Variants in TMCO4 observed in about 807,000 individuals in gnomAD.
TMCO4 encodes transmembrane and coiled-coil domains 4.
A neutral mutation model predicts 64.7 loss-of-function variants in TMCO4; 58 were observed. That is an observed-to-expected ratio of 0.90 (90% CI 0.73 to 1.12). The LOEUF (loss-of-function observed/expected upper bound fraction) is 1.12. Ranked by LOEUF, TMCO4 falls within the 50% of genes most tolerant of loss-of-function variation. The pLI, the probability that TMCO4 is intolerant of heterozygous loss-of-function variation, is 0.00. For missense variants in TMCO4, 780 were observed against 825.9 expected, an observed-to-expected ratio of 0.94 and a Z score of 0.68; for synonymous variants, 325 against 346.1, an observed-to-expected ratio of 0.94 and a Z score of 0.68.
At chr1:19,756,028 C>T (rs1250726294) in intron 6 of TMCO4, among the ~76,000 whole-genome samples, 1 of 152,138 alleles carries the variant, frequency 6.6e-6, no homozygotes, top group Non-Finnish European at 1.5e-5. Context: ...AGGCAGATCG[C>T]TTGAGTCCAG....
At chr1:19,714,987 A>C (rs954656491) in intron 13 of TMCO4, among the ~76,000 whole-genome samples, 1 of 152,144 alleles carries the variant, frequency 6.6e-6, no homozygotes, top group Admixed American at 6.6e-5. Context: ...TCATGCATGT[A>C]ACCCCAGCAC....
At chr1:19,791,100 C>G (rs545181393) in intron 2 of TMCO4, among the ~76,000 whole-genome samples, 1 of 152,198 alleles carries the variant, frequency 6.6e-6, no homozygotes, top group Non-Finnish European at 1.5e-5. Context: ...TAAGTGGGAG[C>G]TGAACAATGA....
At chr1:19,716,392 T>TG (rs548212735) in intron 13 of TMCO4, among the ~76,000 whole-genome samples, 1 of 148,470 alleles carries the variant, frequency 6.7e-6, no homozygotes, top group Admixed American at 6.7e-5. Context: ...TTTTTTTTTT[T>TG]TTTTTGTTTT....
chr1:19,727,840 G>C (rs1045848973), intron 13 of TMCO4, among the ~76,000 whole-genome samples: 1 of 152,322 alleles, frequency 6.6e-6, no homozygotes, highest in South Asian at 2.1e-4. Context: ...TAAAGAAAAT[G>C]TGGTACATAT....
chr1:19,796,452 G>C (rs946888464), intron 2 of TMCO4, among the ~76,000 whole-genome samples: 9 of 152,152 alleles, frequency 5.9e-5, no homozygotes, highest in Non-Finnish European at 1.0e-4. Flanking sequence ...GGAGGGTCAG[G>C]GTGAGAGTGG....
chr1:19,709,913 C>T (rs151129510), intron 13 of TMCO4, among the ~76,000 whole-genome samples: 109 of 151,348 alleles, frequency 7.2e-4, no homozygotes, highest in African/African-American at 2.6e-3. Context: ...CTCAGCCTCC[C>T]GAGTAGCTGG....
intron 6 of TMCO4, among the ~76,000 whole-genome samples, chr1:19,757,278 A>G (rs2042305228): frequency 1.3e-5 from 2 of 152,122 alleles, no homozygotes; most frequent in African/African-American, 4.8e-5. Flanking sequence ...CTAAAATCAC[A>G]GTGTTAGCAA....
chr1:19,750,124 T>C (rs191573387), intron 7 of TMCO4: 60 of 152,340 alleles, frequency 3.9e-4, no homozygotes, highest in African/African-American at 1.4e-3. Flanking sequence ...CTTTTCATTA[T>C]TATTGTAATA....
chr1:19,784,097 G>A (rs1446922750), intron 3 of TMCO4, among the ~76,000 whole-genome samples: 1 of 152,198 alleles, frequency 6.6e-6, no homozygotes, highest in Non-Finnish European at 1.5e-5. Flanking sequence ...ACTCAGAGGA[G>A]CCCAAGGTAG....
chr1:19,741,407 G>C (rs2095478458), intron 10 of TMCO4, among the ~76,000 whole-genome samples: 1 of 152,220 alleles, frequency 6.6e-6, no homozygotes, highest in South Asian at 2.1e-4. Flanking sequence ...GCTGCATCTT[G>C]ATTTAACAAA....
At chr1:19,771,565 ATG>A in intron 4 of TMCO4, 83 bp from the exon 5 acceptor site, 2 of 1,408,244 alleles carry the variant, frequency 1.4e-6, no homozygotes, top group Non-Finnish European at 1.9e-6. Flanking sequence ...GTGGTCACGG[ATG>A]TGAACAGCTG....
rs144713907 is a variant in TMCO4, at chr1:19,683,260, G to A, written c.1685C>T (p.Thr562Ile). 1.4e-5 allele frequency: 22 copies of A among 1,614,200 alleles called. No homozygotes were observed. The East Asian group carries it at 4.9e-4, about 36-fold the overall frequency. ...SGETPHQVGQ[T>I]QGPISGDTSK... ...GGTGTCTCCGGATATGGGACCCTGG[G>A]TTTGCCCAACCTGGTGGGGGGTCTC... The change falls in exon 16 of 16, where the codon ACC becomes ATC. Residue 562 changes from threonine (T) to isoleucine (I), a missense_variant. Thr to Ile is a moderately conservative substitution (Grantham distance 89). Transcript: ENST00000294543.
At chr1:19,697,065 G>A (rs1228319532) in intron 14 of TMCO4, among the ~76,000 whole-genome samples, 1 of 152,224 alleles carries the variant, frequency 6.6e-6, no homozygotes, top group Non-Finnish European at 1.5e-5. Context: ...ACTGAGGGGG[G>A]ACATGTATAC....
intron 15 of TMCO4, among the ~76,000 whole-genome samples, chr1:19,686,497 T>C (rs1435923260): frequency 1.3e-5 from 2 of 152,314 alleles, no homozygotes; most frequent in East Asian, 3.9e-4. Context: ...GAAAAGACAA[T>C]TCCCTGTACA....
chr1:19,759,101 C>CAAA (rs1163885215), intron 6 of TMCO4, among the ~76,000 whole-genome samples: 319 of 21,192 alleles, frequency 0.015, 9 homozygotes, highest in Non-Finnish European at 0.031. Context: ...GACTCGGTCT[C>CAAA]AAAAAAAAAA....
chr1:19,792,465 A>G (rs541980232), intron 2 of TMCO4, among the ~76,000 whole-genome samples: 63 of 152,224 alleles, frequency 4.1e-4, no homozygotes, highest in Non-Finnish European at 7.9e-4. Flanking sequence ...CATTCCATAA[A>G]TATCTGACCT....
At chr1:19,694,373 G>A in intron 15 of TMCO4, 61 bp downstream of exon 15, 7 of 1,459,924 alleles carry the variant, frequency 4.8e-6, no homozygotes, top group Non-Finnish European at 6.7e-6. Context: ...GGGGACAGGG[G>A]TGGCTGGGCT....
chr1:19,751,314 T>C (rs888818975), intron 7 of TMCO4, among the ~76,000 whole-genome samples: 17 of 152,146 alleles, frequency 1.1e-4, no homozygotes, highest in African/African-American at 3.1e-4. Context: ...TAAAAATATA[T>C]AGGCTGGGCA....
chr1:19,782,990 A>C (rs2043562275), intron 3 of TMCO4, among the ~76,000 whole-genome samples: 1 of 152,220 alleles, frequency 6.6e-6, no homozygotes, highest in Admixed American at 6.5e-5. Flanking sequence ...CTCGTAAAGC[A>C]CCTAGAATAG....
Sources: allele counts gnomAD v4.1 joint callset (sites outside exome capture counted in the v4.1 genomes callset), GRCh38; gene constraint gnomAD v4.1.1; transcripts MANE v1.5; gene names NCBI Gene and HGNC (gene_info 2026-07-23, HGNC 2026-07-21).